CNNM2: variants seen among roughly 807,000 people sequenced by gnomAD.
CNNM2 encodes cyclin and CBS domain divalent metal cation transport mediator 2, also known as metal transporter CNNM2.
A neutral mutation model predicts 66.9 loss-of-function variants in CNNM2; 12 were observed. The ratio of observed to expected loss-of-function variants is 0.18; its 90% CI spans 0.11 to 0.29. The LOEUF (loss-of-function observed/expected upper bound fraction) is 0.29, where lower values mean the gene tolerates loss of function less well. Among genes scored for constraint, CNNM2 ranks in the 10% least tolerant of loss-of-function variants. The probability of loss-of-function intolerance (pLI) is 1.00; values close to 1 mark genes in which losing one functional copy is unlikely to be tolerated. For synonymous variants in CNNM2, 557 were observed against 501.8 expected (o/e 1.11, Z -1.47); for missense variants, 705 against 1,167.7 (o/e 0.60, Z 5.77).
chr10:102,958,907 T>C (rs1273080846), intron 1 of CNNM2, among the ~76,000 whole-genome samples: 3 of 152,142 alleles, frequency 2.0e-5, no homozygotes, highest in Admixed American at 2.0e-4. Context: ...AGGATAGTTA[T>C]CCAGGTTTTG....
intron 1 of CNNM2, among the ~76,000 whole-genome samples, chr10:103,001,920 C>T (rs1564840194): frequency 2.0e-5 from 3 of 152,092 alleles, no homozygotes; most frequent in Admixed American, 6.6e-5. Flanking sequence ...TCACTTGAAT[C>T]GGGAGGCAGA....
At chr10:103,070,821 T>G (rs987521388) in intron 5 of CNNM2, among the ~76,000 whole-genome samples, 1 of 152,054 alleles carries the variant, frequency 6.6e-6, no homozygotes, top group African/African-American at 2.4e-5. Flanking sequence ...TCCTAGCTAC[T>G]TGGGAGGCTG....
At chr10:102,957,668 A>G (rs1457551105) in intron 1 of CNNM2, among the ~76,000 whole-genome samples, 1 of 152,162 alleles carries the variant, frequency 6.6e-6, no homozygotes, top group East Asian at 1.9e-4. Context: ...CAAGGTCCTG[A>G]CTTTTGTCCT....
chr10:103,048,947 C>G (rs1166146341), intron 1 of CNNM2, among the ~76,000 whole-genome samples: 1 of 152,016 alleles, frequency 6.6e-6, no homozygotes, highest in Non-Finnish European at 1.5e-5. Flanking sequence ...CCTCGAACTC[C>G]TGGATCCTCC....
chr10:103,073,379 C>T (rs796194582), intron 6 of CNNM2, among the ~76,000 whole-genome samples: 21 of 152,328 alleles, frequency 1.4e-4, no homozygotes, highest in African/African-American at 4.6e-4. Flanking sequence ...CAAATGTTAA[C>T]ACACAAACAC....
At chr10:103,069,588 G>C (rs567543213) in intron 5 of CNNM2, among the ~76,000 whole-genome samples, 1 of 152,310 alleles carries the variant, frequency 6.6e-6, no homozygotes, top group South Asian at 2.1e-4. Context: ...GCCAGTTAAG[G>C]GTGGGTGGCC....
chr10:103,075,830 C>T (rs912129808), intron 6 of CNNM2, among the ~76,000 whole-genome samples: 3 of 152,092 alleles, frequency 2.0e-5, no homozygotes, highest in African/African-American at 7.2e-5. Flanking sequence ...AGGGTTTTTG[C>T]TGTTAGAGAC....
intron 1 of CNNM2, among the ~76,000 whole-genome samples, chr10:103,035,296 C>T (rs1286185776): frequency 6.6e-6 from 1 of 152,112 alleles, no homozygotes; most frequent in Admixed American, 6.5e-5. Flanking sequence ...GAAGAACTAC[C>T]TGTCTCTTGG....
At chr10:103,050,325 A>G (rs1483492792) in intron 2 of CNNM2, among the ~76,000 whole-genome samples, 1 of 152,122 alleles carries the variant, frequency 6.6e-6, no homozygotes, top group Non-Finnish European at 1.5e-5. Flanking sequence ...TGAGGTCAGG[A>G]GTTCGAGACT....
intron 1 of CNNM2, among the ~76,000 whole-genome samples, chr10:102,960,525 A>T (rs2063362821): frequency 6.6e-6 from 1 of 152,082 alleles, no homozygotes; most frequent in Non-Finnish European, 1.5e-5. Context: ...GTGCGTATTT[A>T]TTTATCTTTT....
At chr10:102,975,109 G>T (rs1445194052) in intron 1 of CNNM2, among the ~76,000 whole-genome samples, 1 of 152,118 alleles carries the variant, frequency 6.6e-6, no homozygotes, top group Non-Finnish European at 1.5e-5. Context: ...AGACTAATTT[G>T]CAGTGAGAGC....
intron 1 of CNNM2, among the ~76,000 whole-genome samples, chr10:102,993,131 C>G (rs1031904862): frequency 6.6e-6 from 1 of 152,192 alleles, no homozygotes; most frequent in African/African-American, 2.4e-5. Flanking sequence ...AATTGAATGA[C>G]TAGATGATGC....
intron 1 of CNNM2, among the ~76,000 whole-genome samples, chr10:103,040,617 A>C (rs1366261599): frequency 6.6e-6 from 1 of 152,212 alleles, no homozygotes; most frequent in Non-Finnish European, 1.5e-5. Context: ...AGGGGCTGAC[A>C]CAAAGGTGGA....
chr10:102,973,274 A>G (rs997610959), intron 1 of CNNM2, among the ~76,000 whole-genome samples: 1 of 151,556 alleles, frequency 6.6e-6, no homozygotes, highest in Admixed American at 6.6e-5. Context: ...TCACTGCTAT[A>G]TGCAATAACT....
chr10:102,939,422 A>G (rs1846349410), intron 1 of CNNM2, among the ~76,000 whole-genome samples: 1 of 152,118 alleles, frequency 6.6e-6, no homozygotes, highest in African/African-American at 2.4e-5. Flanking sequence ...TTATTGCCAC[A>G]TCTACATCTT....
intron 1 of CNNM2, among the ~76,000 whole-genome samples, chr10:102,925,913 C>A (rs952083861): frequency 6.6e-6 from 1 of 151,892 alleles, no homozygotes; most frequent in Non-Finnish European, 1.5e-5. Flanking sequence ...AGTGTTGATA[C>A]CTAGGTTATT....
At position 103,058,002 on chromosome 10, in the gene CNNM2, G is replaced by T. The variant is rs79112910; in HGVS notation, c.2073+1038G>T. Among the ~76,000 whole-genome samples the T allele has an allele frequency of 6.2e-3, 946 of 152,294 alleles. 12 individuals are homozygous for T. The highest frequency in any genetic ancestry group is 0.022 in the African/African-American group (896 of 41,562). ...ATATTAGTCGATAAAATGCTAATGTGGATCAAATGTGTAGATTCAAGCTCG... is the reference window on the plus strand; with the variant it reads ...ATATTAGTCGATAAAATGCTAATGTTGATCAAATGTGTAGATTCAAGCTCG... On this transcript the variant is annotated intron_variant, in intron 4 of 7. Transcript: ENST00000369878.
rs1191914713 is a variant in CNNM2, at chr10:102,918,310, C to T, written c.-171C>T. The T allele has an allele frequency of 2.8e-5, 33 of 1,187,870 alleles. No individual in the cohort carries two copies. Among genetic ancestry groups the T allele is most frequent in the Non-Finnish European group, 3.6e-5 (32 of 889,652 alleles). 73.6% of individuals were successfully genotyped at this position (1,187,870 alleles called of 1,614,324 possible). Reference sequence around the variant, plus strand: ...CGCTCCTCTCCCTCCCTCTTTCCCTCCCGCGAGCCTCGGGGTTCCTCAGCT... The same window carrying T: ...CGCTCCTCTCCCTCCCTCTTTCCCTTCCGCGAGCCTCGGGGTTCCTCAGCT... On this transcript the variant is annotated 5_prime_UTR_variant, in exon 1 of 8. Coordinates refer to ENST00000369878, the MANE Select transcript of CNNM2 (RefSeq NM_017649.5). This position sits in a 1 kb window ranked among gnomAD's most constrained non-coding sequence, Gnocchi z 4.1.
At chr10:102,926,602 T>C (rs377342096) in intron 1 of CNNM2, among the ~76,000 whole-genome samples, 14 of 152,118 alleles carry the variant, frequency 9.2e-5, no homozygotes, top group African/African-American at 3.1e-4. Context: ...AATGCAGTGG[T>C]GCTAGCTAGC....
Sources: gnomAD v4.1 joint callset for allele counts (sites outside exome capture counted in the v4.1 genomes callset) on GRCh38, gnomAD v4.1.1 for gene constraint, Gnocchi (gnomAD v3.1) non-coding constraint, MANE v1.5 for transcripts, NCBI Gene and HGNC (gene_info 2026-07-23, HGNC 2026-07-21) for gene names.